LYN: variants seen among roughly 807,000 people sequenced by gnomAD.
LYN encodes the protein LYN proto-oncogene, Src family tyrosine kinase.
A neutral mutation model predicts 65.0 loss-of-function variants in LYN; 12 were observed. The observed-to-expected ratio is 0.18, with a 90% CI of 0.12 to 0.30. LYN has a LOEUF of 0.30. Ranked by LOEUF, LYN falls within the 10% of genes least tolerant of loss-of-function variation. LYN has a pLI of 1.00. For missense variants in LYN, 380 were observed against 623.2 expected, an observed-to-expected ratio of 0.61 and a Z score of 4.16; for synonymous variants, 222 against 221.2, an observed-to-expected ratio of 1.00 and a Z score of -0.03.
At chr8:55,964,806 A>G (rs959147901) in intron 8 of LYN, among the ~76,000 whole-genome samples, 1 of 152,228 alleles carries the variant, frequency 6.6e-6, no homozygotes. Flanking sequence ...GTCACTCCAA[A>G]TTCTACCAGC....
intron 1 of LYN, among the ~76,000 whole-genome samples, chr8:55,912,518 G>C (rs1168765244): frequency 6.6e-6 from 1 of 152,156 alleles, no homozygotes; most frequent in African/African-American, 2.4e-5. Flanking sequence ...TGAGGTCCAG[G>C]AGTTCGAGAC....
chr8:55,951,414 C>G lies in LYN; in HGVS notation c.488-552C>G, dbSNP rs533277137. ...GGCGTGGTGGCTCAGGCCTGTAATC[C>G]CAATGCTTTGGGAGGCCGAGACTGA... On this transcript the variant is annotated intron_variant, in intron 6 of 12. Transcript: ENST00000519728. Among the ~76,000 whole-genome samples the G allele has an allele frequency of 4.0e-5, 6 of 151,816 alleles. No homozygotes were observed. In the South Asian group the frequency reaches 1.0e-3, roughly 26 times the overall value.
intron 1 of LYN, among the ~76,000 whole-genome samples, chr8:55,899,311 A>G (rs1805197231): frequency 6.6e-6 from 1 of 152,194 alleles, no homozygotes; most frequent in South Asian, 2.1e-4. Context: ...TCACTTAACT[A>G]CTAAGTAAAT....
chr8:55,947,639 T>C lies in LYN; in HGVS notation c.200T>C (p.Ile67Thr). ...TTAGATCCAGAGGAACAAGGAGACA[T>C]TGTGGTAGCCTTGTACCCCTATGAT... Reference protein sequence around the residue: ...QTKDPEEQGDIVVALYPYDGI... With the variant: ...QTKDPEEQGDTVVALYPYDGI... The change falls in exon 4 of 13, where the codon ATT becomes ACT. Residue 67 changes from isoleucine (I) to threonine (T), a missense_variant. Ile to Thr is a moderately conservative substitution (Grantham distance 89). This residue lies in a region of LYN where 157 missense variants were observed against 193.2 expected (regional missense o/e 0.81). Coordinates refer to ENST00000519728, the MANE Select transcript of LYN (RefSeq NM_002350.4). The C allele has an allele frequency of 2.5e-6, 4 of 1,613,264 alleles. No homozygotes were observed. Among genetic ancestry groups the C allele is most frequent in the Non-Finnish European group, 2.5e-6 (3 of 1,179,186 alleles).
At chr8:55,953,759 ACTTTT>A (rs1365986375) in intron 7 of LYN, 68 bp from the exon 8 acceptor site, 3 of 1,482,474 alleles carry the variant, frequency 2.0e-6, no homozygotes, top group Non-Finnish European at 2.8e-6. Flanking sequence ...CTAGTGTTCA[ACTTTT>A]CTTTATAGAC....
At chr8:55,975,240 G>A (rs537908513) in intron 10 of LYN, among the ~76,000 whole-genome samples, 1 of 152,298 alleles carries the variant, frequency 6.6e-6, no homozygotes, top group South Asian at 2.1e-4. Context: ...CTGGTGGTTA[G>A]CTCTTTCTCA....
intron 1 of LYN, among the ~76,000 whole-genome samples, chr8:55,936,983 C>T (rs569969174): frequency 8.5e-5 from 13 of 152,176 alleles, no homozygotes; most frequent in South Asian, 4.1e-4. Flanking sequence ...CTACCCCCCA[C>T]GTCTTTTGTC....
At chr8:55,922,981 T>G (rs1260159249) in intron 1 of LYN, among the ~76,000 whole-genome samples, 1 of 152,086 alleles carries the variant, frequency 6.6e-6, no homozygotes, top group Non-Finnish European at 1.5e-5. Flanking sequence ...ATCTGCTCCA[T>G]GCCTTTCCGA....
intron 10 of LYN, among the ~76,000 whole-genome samples, chr8:55,971,748 G>A (rs929241441): frequency 1.6e-4 from 25 of 152,210 alleles, no homozygotes; most frequent in African/African-American, 5.1e-4. Flanking sequence ...TAAGGTCCAA[G>A]TCAAAGCCTC....
chr8:55,947,485 T>C (rs1217628514), intron 3 of LYN, 133 bp from the exon 4 acceptor site: 1 of 677,752 alleles, frequency 1.5e-6, no homozygotes, highest in African/African-American at 1.8e-5. Context: ...CTGAGCCCAC[T>C]AGGCAGGAAG....
At chr8:55,953,633 G>GA (rs1807015891) in intron 7 of LYN, among the ~76,000 whole-genome samples, 199 bp from the exon 8 acceptor site, 2 of 151,936 alleles carry the variant, frequency 1.3e-5, no homozygotes, top group African/African-American at 4.8e-5. Context: ...GGCAATAGGA[G>GA]TGAAACTTCA....
intron 10 of LYN, among the ~76,000 whole-genome samples, chr8:55,972,468 G>A (rs920780717): frequency 1.3e-5 from 2 of 152,160 alleles, no homozygotes; most frequent in African/African-American, 4.8e-5. Flanking sequence ...GGGCCTGTAC[G>A]CTTCAGCTTC....
Position 55,880,051 on chromosome 8 carries a change from T to A in LYN, c.-58T>A. ...GGCCGCCCCGTCGCGCCCCCCACTC[T>A]GAACTCAAGTCACCGTGGAGCTCCG... On this transcript the variant is annotated 5_prime_UTR_variant, in exon 1 of 13. Transcript: ENST00000519728. The A allele has an allele frequency of 3.2e-6, 1 of 314,702 alleles. No homozygotes were observed. The highest frequency in any genetic ancestry group is 6.4e-6 in the Non-Finnish European group (1 of 155,170). The allele number at this position is 314,702 out of a possible 1,614,324, so 19.5% of individuals were successfully genotyped here. A position where few individuals can be genotyped will look rare whatever the true frequency, so the allele number is the denominator to read the frequency against.
intron 1 of LYN, among the ~76,000 whole-genome samples, chr8:55,927,877 A>G (rs77361422): frequency 0.051 from 7,721 of 152,152 alleles, 655 homozygotes; most frequent in African/African-American, 0.17. Flanking sequence ...ATAAACATCT[A>G]TGTGCAGGTT....
At chr8:55,880,166 C>G (rs1484371725) in intron 1 of LYN, 63 bp downstream of exon 1, 4 of 174,776 alleles carry the variant, frequency 2.3e-5, no homozygotes, top group Non-Finnish European at 4.9e-5. Flanking sequence ...GCAGGGGCCG[C>G]GGCTGTGCCA....
intron 1 of LYN, among the ~76,000 whole-genome samples, chr8:55,924,793 T>A (rs748074374): frequency 1.6e-4 from 25 of 152,196 alleles, no homozygotes; most frequent in Non-Finnish European, 3.2e-4. Context: ...ACTGCAGATA[T>A]GTCACTTGGT....
chr8:55,940,078 C>T lies in LYN; in HGVS notation c.-5-1777C>T, dbSNP rs138058595. Among the ~76,000 whole-genome samples, 692 of 152,290 alleles carry T rather than the reference C, an allele frequency of 4.5e-3. 5 individuals carry two copies. Among genetic ancestry groups the T allele is most frequent in the Non-Finnish European group, 7.3e-3 (499 of 68,024 alleles). ...AGGCCTGGACGCGTGGCAGCGATGC[C>T]GGAGAGGGCCGAGTTCCCAGAAGAG... On this transcript the variant is annotated intron_variant, in intron 1 of 12. Coordinates refer to ENST00000519728, the MANE Select transcript of LYN (RefSeq NM_002350.4).
intron 2 of LYN, among the ~76,000 whole-genome samples, chr8:55,942,353 ATG>A (rs1168336552): frequency 2.2e-5 from 3 of 138,378 alleles, no homozygotes; most frequent in Admixed American, 7.3e-5. Context: ...GTGTATATAT[ATG>A]TGTATATATA....
rs773259862 is a variant in LYN, at chr8:55,953,846, T to C, written c.652T>C (p.Leu218=). Residue 218 remains leucine, a synonymous_variant, in exon 8 of 13, where the codon TTG becomes CTG. Coordinates refer to ENST00000519728, the MANE Select transcript of LYN (RefSeq NM_002350.4). ...TTTCAAATTAGAGCAGGCAGATGGC[T>C]TGTGCAGAAGATTGGAGAAGGCTTG... is the stretch of plus-strand genomic sequence containing the variant. ...IKHYQKQADG[L]CRRLEKACIS... is the part of the protein sequence containing the mutation. The C allele has an allele frequency of 6.2e-7, 1 of 1,613,972 alleles. No homozygotes were observed. Among genetic ancestry groups the C allele is most frequent in the Non-Finnish European group, 8.5e-7 (1 of 1,179,942 alleles).
Sources: allele counts gnomAD v4.1 joint callset (sites outside exome capture counted in the v4.1 genomes callset), GRCh38; gene constraint gnomAD v4.1.1; regional missense constraint gnomAD v4.1.1; transcripts MANE v1.5; gene names NCBI Gene and HGNC (gene_info 2026-07-23, HGNC 2026-07-21).